Variants in C12orf42 observed in about 807,000 individuals in gnomAD.
The protein encoded by C12orf42 is uncharacterized protein C12orf42.
In C12orf42, 25 loss-of-function variants were observed where a neutral mutation model predicts 21.6. The ratio of observed to expected loss-of-function variants is 1.16; its 90% CI spans 0.84 to 1.62. The LOEUF (loss-of-function observed/expected upper bound fraction) is 1.62. C12orf42 is among the 40% of genes most tolerant of loss of function. C12orf42 has a pLI of 0.00. For missense variants in C12orf42, 483 were observed against 459.3 expected (o/e 1.05, Z -0.47); for synonymous variants, 174 against 175.0 (o/e 0.99, Z 0.05).
chr12:103,401,697 A>G, intron 2 of C12orf42, 22 bp from the exon 3 acceptor site: 1 of 1,597,650 alleles, frequency 6.3e-7, no homozygotes, highest in Non-Finnish European at 8.6e-7. Context: ...GAAACAAGGC[A>G]TTTAGTATCA....
At chr12:103,217,476 C>T in the C12orf42 span, among the ~76,000 whole-genome samples, 1 of 150,908 alleles carries the variant, frequency 6.6e-6, no homozygotes, top group Non-Finnish European at 1.5e-5. Context: ...CTGCAGTGGG[C>T]CATGATCATA....
chr12:103,537,264 T>C, the C12orf42 span, among the ~76,000 whole-genome samples: 1 of 151,752 alleles, frequency 6.6e-6, no homozygotes, highest in East Asian at 1.9e-4. Flanking sequence ...TTCAGAAGGG[T>C]TGGTGAGTGG....
chr12:103,224,929 G>A, the C12orf42 span, among the ~76,000 whole-genome samples: 93 of 152,254 alleles, frequency 6.1e-4, no homozygotes, highest in African/African-American at 2.0e-3. Flanking sequence ...GAGATTAATC[G>A]GACACGATCA....
At chr12:103,386,017 C>T (rs1200345805) in intron 3 of C12orf42, among the ~76,000 whole-genome samples, 2 of 152,200 alleles carry the variant, frequency 1.3e-5, no homozygotes, top group Non-Finnish European at 2.9e-5. Context: ...AGCTAGCATG[C>T]CTGGCAGCAC....
chr12:103,364,601 CAAGAG>C (rs2044424614), intron 4 of C12orf42, among the ~76,000 whole-genome samples: 3 of 151,580 alleles, frequency 2.0e-5, no homozygotes, highest in Admixed American at 2.0e-4. Flanking sequence ...CAAGATTAAC[CAAGAG>C]AAGAGAAGAT....
chr12:103,361,424 C>G (rs2044094674), intron 4 of C12orf42, among the ~76,000 whole-genome samples: 1 of 152,162 alleles, frequency 6.6e-6, no homozygotes, highest in East Asian at 1.9e-4. Flanking sequence ...TCACAGGGTT[C>G]CTTGGGGAGG....
intron 4 of C12orf42, among the ~76,000 whole-genome samples, chr12:103,284,783 T>C (rs759391363): frequency 3.9e-5 from 6 of 152,218 alleles, no homozygotes; most frequent in Admixed American, 2.6e-4. Flanking sequence ...CAATTGACTT[T>C]CGTGGGTCCT....
intron 4 of C12orf42, among the ~76,000 whole-genome samples, chr12:103,316,654 G>A (rs554834246): frequency 6.6e-6 from 1 of 152,050 alleles, no homozygotes; most frequent in Admixed American, 6.5e-5. Flanking sequence ...TCCTTTTCCT[G>A]CTTTATTTTT....
intron 4 of C12orf42, among the ~76,000 whole-genome samples, chr12:103,355,246 G>A (rs1285540090): frequency 2.0e-5 from 3 of 152,008 alleles, no homozygotes; most frequent in African/African-American, 7.2e-5. Flanking sequence ...TGTGGTCTGT[G>A]GCATAATCTG....
At chr12:103,310,031 A>G (rs1437113605) in intron 4 of C12orf42, among the ~76,000 whole-genome samples, 1 of 152,194 alleles carries the variant, frequency 6.6e-6, no homozygotes, top group Non-Finnish European at 1.5e-5. Flanking sequence ...TCCACTGTAG[A>G]CAGTTGATAT....
At chr12:103,278,663 C>A (rs1369236864) in intron 4 of C12orf42, among the ~76,000 whole-genome samples, 1 of 152,218 alleles carries the variant, frequency 6.6e-6, no homozygotes, top group Non-Finnish European at 1.5e-5. Flanking sequence ...GAGAGATGAA[C>A]AAGACAGGCT....
chr12:103,479,563 G>C (rs1954314223), intron 1 of C12orf42, among the ~76,000 whole-genome samples: 1 of 152,022 alleles, frequency 6.6e-6, no homozygotes, highest in African/African-American at 2.4e-5. Flanking sequence ...TATGATATTT[G>C]TCATATTTTA....
At chr12:103,301,099 C>CA (rs757136563), downstream of C12orf42, among the ~76,000 whole-genome samples, 20 of 152,260 alleles carry the variant, frequency 1.3e-4, no homozygotes, top group South Asian at 1.5e-3. Flanking sequence ...TCATTCCTCT[C>CA]AAAACCTTGA....
At chr12:103,548,800 T>A in the C12orf42 span, 2 of 152,226 alleles carry the variant, frequency 1.3e-5, no homozygotes, top group Non-Finnish European at 1.5e-5. Context: ...GGGGATGGCT[T>A]ATGTTCTACT....
At chr12:103,473,180 T>C (rs1953763179) in intron 2 of C12orf42, among the ~76,000 whole-genome samples, 1 of 152,208 alleles carries the variant, frequency 6.6e-6, no homozygotes, top group African/African-American at 2.4e-5. Flanking sequence ...TACTTTACAG[T>C]TGACAAAATA....
At chr12:103,099,082 A>T in the C12orf42 span, among the ~76,000 whole-genome samples, 1 of 152,234 alleles carries the variant, frequency 6.6e-6, no homozygotes, top group East Asian at 1.9e-4. Flanking sequence ...AAAATTGTTC[A>T]TCCTACCATA....
intron 4 of C12orf42, among the ~76,000 whole-genome samples, chr12:103,359,931 T>G (rs2043935657): frequency 1.3e-5 from 2 of 151,638 alleles, no homozygotes; most frequent in Non-Finnish European, 2.9e-5. Flanking sequence ...TCCTCAGCTT[T>G]AACCCATGAT....
At chr12:103,544,151 G>A in the C12orf42 span, among the ~76,000 whole-genome samples, 1 of 152,036 alleles carries the variant, frequency 6.6e-6, no homozygotes, top group Non-Finnish European at 1.5e-5. Flanking sequence ...CCAAAGTGCT[G>A]GGATTAGAGG....
intron 2 of C12orf42, among the ~76,000 whole-genome samples, chr12:103,436,722 C>A (rs569575068): frequency 5.8e-4 from 88 of 152,220 alleles, no homozygotes; most frequent in African/African-American, 1.5e-3. Context: ...TATATATGCA[C>A]CCAATACAGG....
Sources: gnomAD v4.1 joint callset for allele counts (sites outside exome capture counted in the v4.1 genomes callset) on GRCh38, gnomAD v4.1.1 for gene constraint, MANE v1.5 for transcripts, NCBI Gene and HGNC (gene_info 2026-07-23, HGNC 2026-07-21) for gene names.